CMIP: variants seen among roughly 807,000 people sequenced by gnomAD.
CMIP encodes c-Maf inducing protein, also known as C-Maf-inducing protein.
CMIP carries 13 observed loss-of-function variants against 97.3 expected under a neutral mutation model. That is an observed-to-expected ratio of 0.13 (90% CI 0.09 to 0.21). CMIP has a LOEUF of 0.21. Ranked by LOEUF, CMIP falls within the 10% of genes least tolerant of loss-of-function variation. The pLI, the probability that CMIP is intolerant of heterozygous loss-of-function variation, is 1.00. For synonymous variants in CMIP, 538 were observed against 436.3 expected (o/e 1.23, Z -2.91); for missense variants, 847 against 1,024.9 (o/e 0.83, Z 2.37).
chr16:81,475,202 A>G (rs993477736), intron 1 of CMIP, among the ~76,000 whole-genome samples: 1 of 152,264 alleles, frequency 6.6e-6, no homozygotes, highest in East Asian at 1.9e-4. Flanking sequence ...CTCTAGGTGC[A>G]TAAAAAAAAT....
chr16:81,567,305 A>G (rs908920459), intron 1 of CMIP, among the ~76,000 whole-genome samples: 4 of 152,254 alleles, frequency 2.6e-5, no homozygotes, highest in African/African-American at 4.8e-5. Context: ...GAAGCATGTC[A>G]TGCAGTGAGA....
chr16:81,471,028 G>T (rs1213410547), intron 1 of CMIP, among the ~76,000 whole-genome samples: 5 of 149,340 alleles, frequency 3.3e-5, no homozygotes, highest in Non-Finnish European at 7.5e-5. Context: ...GCACAAACAT[G>T]TGCATACACA....
At chr16:81,471,952 C>T (rs913166564) in intron 1 of CMIP, among the ~76,000 whole-genome samples, 3 of 152,148 alleles carry the variant, frequency 2.0e-5, no homozygotes, top group Non-Finnish European at 2.9e-5. Flanking sequence ...TTTTAGACTG[C>T]GGTTGACTAT....
At chr16:81,448,712 T>G (rs1194363057) in intron 1 of CMIP, among the ~76,000 whole-genome samples, 1 of 152,226 alleles carries the variant, frequency 6.6e-6, no homozygotes, top group African/African-American at 2.4e-5. Context: ...CTTGGAGACT[T>G]TGGATCCGAA....
chr16:81,455,110 G>A (rs1906463260), intron 1 of CMIP, among the ~76,000 whole-genome samples: 1 of 152,234 alleles, frequency 6.6e-6, no homozygotes, highest in Admixed American at 6.5e-5. Context: ...CCTGGGGCGG[G>A]TGGTGCTTTA....
intron 3 of CMIP, among the ~76,000 whole-genome samples, chr16:81,640,937 C>G (rs777977619): frequency 6.6e-6 from 1 of 152,118 alleles, no homozygotes; most frequent in Non-Finnish European, 1.5e-5. Flanking sequence ...ATGTTTTGGG[C>G]AGACACAGTC....
chr16:81,566,262 A>C (rs1325131512), intron 1 of CMIP, among the ~76,000 whole-genome samples: 1 of 152,126 alleles, frequency 6.6e-6, no homozygotes, highest in Non-Finnish European at 1.5e-5. Flanking sequence ...GGCCTTATTC[A>C]TGCTTCTGTG....
At chr16:81,625,932 A>G (rs903783933) in intron 3 of CMIP, among the ~76,000 whole-genome samples, 4 of 152,238 alleles carry the variant, frequency 2.6e-5, no homozygotes, top group Non-Finnish European at 4.4e-5. Context: ...CCGGGGACCA[A>G]TGAGCAGACT....
intron 1 of CMIP, among the ~76,000 whole-genome samples, chr16:81,483,128 G>A (rs138345144): frequency 6.6e-6 from 1 of 152,356 alleles, no homozygotes; most frequent in Non-Finnish European, 1.5e-5. Flanking sequence ...GTATGAATGG[G>A]GAGGGTGTGG....
chr16:81,678,370 G>C lies in CMIP; in HGVS notation c.1130G>C (p.Ser377Thr). 1 of 1,612,620 alleles carries C rather than the reference G, an allele frequency of 6.2e-7. No individual in the cohort carries two copies. The highest frequency in any genetic ancestry group is 8.5e-7 in the Non-Finnish European group (1 of 1,179,446). ...PTLPLRLLHP[S>T]PDLVSQEATL... is the part of the protein sequence containing the mutation. The stretch of plus-strand genomic sequence containing the variant: ...TTACCTCTGCGCCTTCTGCACCCCA[G>C]CCCGGACCTGGTGTCTCAGGAAGCC... The change falls in exon 10 of 21, where the codon AGC becomes ACC. Residue 377 changes from serine (S) to threonine (T), a missense_variant. Physicochemically the swap from Ser to Thr is moderately conservative, Grantham distance 58. Transcript: ENST00000537098.
intron 1 of CMIP, among the ~76,000 whole-genome samples, chr16:81,483,348 G>A (rs946252594): frequency 3.3e-5 from 5 of 152,212 alleles, no homozygotes; most frequent in Admixed American, 6.5e-5. Flanking sequence ...GGAATGCAAG[G>A]AGGTAAATGT....
intron 1 of CMIP, among the ~76,000 whole-genome samples, chr16:81,564,348 C>G (rs2090940620): frequency 1.3e-5 from 2 of 152,142 alleles, no homozygotes; most frequent in Non-Finnish European, 2.9e-5. Context: ...ATGCTGAGCT[C>G]CAGGGACTTG....
Position 81,664,365 on chromosome 16 carries a change from C to G in CMIP, c.825+16C>G. On this transcript the variant is annotated intron_variant, in intron 7 of 20. Transcript: ENST00000537098. ...GCATAACATGGTGAGTCACCCTGCC[C>G]CAACACCCAGACCCCAGCGCCCAGA... 1.3e-6 allele frequency: 2 copies of G among 1,578,810 alleles called. No individual in the cohort carries two copies. The highest frequency in any genetic ancestry group is 1.7e-6 in the Non-Finnish European group (2 of 1,163,228).
intron 1 of CMIP, among the ~76,000 whole-genome samples, chr16:81,584,903 A>G (rs1200966497): frequency 1.3e-5 from 2 of 152,234 alleles, no homozygotes; most frequent in Non-Finnish European, 1.5e-5. Flanking sequence ...CCAACTGTTC[A>G]GACCCCTGTG....
chr16:81,473,426 C>T (rs567242766), intron 1 of CMIP, among the ~76,000 whole-genome samples: 1 of 151,746 alleles, frequency 6.6e-6, no homozygotes, highest in South Asian at 2.1e-4. Flanking sequence ...AACAGTGGTG[C>T]GTTTTTGAAT....
chr16:81,600,275 G>GA (rs71146022), intron 1 of CMIP, among the ~76,000 whole-genome samples: 9,722 of 81,554 alleles, frequency 0.12, 657 homozygotes, highest in East Asian at 0.29. Context: ...GACTCCATCT[G>GA]AAAAAAAAAA....
intron 1 of CMIP, among the ~76,000 whole-genome samples, chr16:81,559,012 G>A (rs763721297): frequency 3.3e-5 from 5 of 152,306 alleles, no homozygotes; most frequent in South Asian, 4.1e-4. Context: ...GCATTACCCC[G>A]TGTTTGTGAA....
In CMIP at chr16:81,483,603, C is replaced by G. The variant is rs1033024211; in HGVS notation, c.300+38062C>G. ...TCTTCCTCTTCCTCTTCCTCTTCCT[C>G]TCCCTCTCCCTGACCCTCCCCCAGC... On this transcript the variant is annotated intron_variant, in intron 1 of 20. Transcript: ENST00000537098. Among the ~76,000 whole-genome samples the G allele has an allele frequency of 7.9e-5, 12 of 152,178 alleles. 1 individual carries two copies. In the Middle Eastern group the frequency reaches 0.014, roughly 173 times the overall value.
At chr16:81,508,958 G>C (rs1048044560) in intron 1 of CMIP, among the ~76,000 whole-genome samples, 5 of 152,210 alleles carry the variant, frequency 3.3e-5, no homozygotes, top group Admixed American at 1.3e-4. Flanking sequence ...TTTGCTCAGC[G>C]TGGAGTCTCC....
Sources: gnomAD v4.1 joint callset for allele counts (sites outside exome capture counted in the v4.1 genomes callset) on GRCh38, gnomAD v4.1.1 for gene constraint, MANE v1.5 for transcripts, NCBI Gene and HGNC (gene_info 2026-07-23, HGNC 2026-07-21) for gene names.